The following PPARGC1A variants were observed in gnomAD, a reference collection of about 807,000 sequenced individuals.
The protein encoded by PPARGC1A is peroxisome proliferator-activated receptor gamma coactivator 1-alpha.
Under a neutral mutation model 88.7 loss-of-function variants are expected in PPARGC1A, and 25 were observed. The observed-to-expected ratio is 0.28, with a 90% confidence interval of 0.21 to 0.39. The LOEUF (loss-of-function observed/expected upper bound fraction) is 0.39. Among genes scored for constraint, PPARGC1A ranks in the 10% least tolerant of loss-of-function variants. The probability of loss-of-function intolerance (pLI) is 1.00; values close to 1 mark genes in which losing one functional copy is unlikely to be tolerated. For synonymous variants in PPARGC1A, 363 were observed against 355.6 expected (o/e 1.02, Z -0.24); for missense variants, 880 against 968.7 (o/e 0.91, Z 1.22).
the PPARGC1A span, among the ~76,000 whole-genome samples, chr4:24,232,939 T>A: frequency 1.3e-5 from 2 of 152,074 alleles, no homozygotes; most frequent in Non-Finnish European, 2.9e-5. Flanking sequence ...AGGAAAGGGG[T>A]CAAAGACAGG....
chr4:23,886,132 G>A (rs1716846324), intron 1 of PPARGC1A, among the ~76,000 whole-genome samples: 1 of 152,130 alleles, frequency 6.6e-6, no homozygotes, highest in Non-Finnish European at 1.5e-5. Flanking sequence ...TGTAAGTGGG[G>A]GTGTCTAAAT....
the PPARGC1A span, among the ~76,000 whole-genome samples, chr4:23,912,433 G>GAA: frequency 6.6e-6 from 1 of 152,160 alleles, no homozygotes; most frequent in Non-Finnish European, 1.5e-5. Flanking sequence ...TCTTAATCAT[G>GAA]TGTGTCAATT....
chr4:23,805,288 T>A (rs559104043), intron 10 of PPARGC1A, among the ~76,000 whole-genome samples: 2 of 151,846 alleles, frequency 1.3e-5, no homozygotes, highest in Admixed American at 6.6e-5. Flanking sequence ...AAGATTTCCA[T>A]AATTTGTTTT....
intron 11 of PPARGC1A, 92 bp from the exon 12 acceptor site, chr4:23,801,973 C>A: frequency 6.8e-7 from 1 of 1,476,460 alleles, no homozygotes; most frequent in Non-Finnish European, 9.3e-7. Flanking sequence ...TCTCCAGTGC[C>A]AACGTCTGAG....
At chr4:23,942,158 C>T in the PPARGC1A span, among the ~76,000 whole-genome samples, 8 of 152,066 alleles carry the variant, frequency 5.3e-5, no homozygotes, top group African/African-American at 1.7e-4. Flanking sequence ...CACATTTCAC[C>T]TCTTGGCAGC....
At chr4:24,117,076 T>C in the PPARGC1A span, among the ~76,000 whole-genome samples, 1 of 151,698 alleles carries the variant, frequency 6.6e-6, no homozygotes. Context: ...AAAATACATA[T>C]ATTTTAGGTT....
chr4:23,940,330 G>T, the PPARGC1A span, among the ~76,000 whole-genome samples: 1 of 152,104 alleles, frequency 6.6e-6, no homozygotes, highest in Non-Finnish European at 1.5e-5. Context: ...TACATGGAAC[G>T]CAGAAGAGAA....
chr4:23,937,991 C>G, the PPARGC1A span, among the ~76,000 whole-genome samples: 12 of 152,112 alleles, frequency 7.9e-5, no homozygotes, highest in Admixed American at 7.9e-4. Context: ...TGCGTAAACA[C>G]AGTTGGGCTT....
At chr4:23,870,247 T>C (rs1713005585) in intron 2 of PPARGC1A, among the ~76,000 whole-genome samples, 1 of 152,230 alleles carries the variant, frequency 6.6e-6, no homozygotes, top group South Asian at 2.1e-4. Context: ...CACCAAACTT[T>C]TTATTAAAAC....
the PPARGC1A span, among the ~76,000 whole-genome samples, chr4:24,178,618 C>T: frequency 6.6e-6 from 1 of 152,148 alleles, no homozygotes; most frequent in Non-Finnish European, 1.5e-5. Context: ...CCGTTTCTAC[C>T]TGCTAATGCA....
chr4:24,049,721 T>C, the PPARGC1A span, among the ~76,000 whole-genome samples: 2 of 152,092 alleles, frequency 1.3e-5, no homozygotes. Flanking sequence ...TGTAGATTAT[T>C]CCCTTTTTCA....
the PPARGC1A span, among the ~76,000 whole-genome samples, chr4:24,344,364 C>A: frequency 6.6e-6 from 1 of 152,026 alleles, no homozygotes; most frequent in Non-Finnish European, 1.5e-5. Context: ...ACATTCCCAC[C>A]GGAAGTGTAG....
chr4:24,457,938 T>G, the PPARGC1A span, among the ~76,000 whole-genome samples: 2 of 152,146 alleles, frequency 1.3e-5, no homozygotes, highest in African/African-American at 2.4e-5. Flanking sequence ...AGAAAGATTT[T>G]TCTCTGTAGA....
At chr4:23,863,563 T>A (rs1731625452) in intron 2 of PPARGC1A, among the ~76,000 whole-genome samples, 1 of 152,202 alleles carries the variant, frequency 6.6e-6, no homozygotes, top group Admixed American at 6.5e-5. Context: ...TCACCACTAC[T>A]GTGTTGCTCA....
At chr4:23,821,238 G>T (rs895676312) in intron 7 of PPARGC1A, among the ~76,000 whole-genome samples, 5 of 152,090 alleles carry the variant, frequency 3.3e-5, no homozygotes, top group African/African-American at 9.7e-5. Flanking sequence ...TGAACCCAGG[G>T]TCCATTAGAT....
chr4:24,161,201 G>A, the PPARGC1A span, among the ~76,000 whole-genome samples: 1 of 152,206 alleles, frequency 6.6e-6, no homozygotes, highest in Non-Finnish European at 1.5e-5. Flanking sequence ...CCTTGAGCAA[G>A]TAAATCTAAA....
chr4:24,226,945 TA>T, the PPARGC1A span, among the ~76,000 whole-genome samples: 13 of 152,298 alleles, frequency 8.5e-5, no homozygotes, highest in East Asian at 2.5e-3. Flanking sequence ...GAACTTCTTA[TA>T]GGATCTTTAG....
At chr4:24,086,151 A>G in the PPARGC1A span, among the ~76,000 whole-genome samples, 2 of 152,180 alleles carry the variant, frequency 1.3e-5, no homozygotes, top group Non-Finnish European at 1.5e-5. Context: ...ACTATTCTCC[A>G]TGATTTGGTT....
In PPARGC1A at chr4:23,831,683, C is replaced by T; in HGVS notation, c.303G>A (p.Val101=). The change falls in exon 3 of 13, where the codon GTG becomes GTA. Residue 101 remains valine, a synonymous_variant. Transcript: ENST00000264867. ...VLTETLDSLP[V]DEDGLPSFDA... is the part of the protein sequence containing the mutation. ...CAAATGAGGGCAATCCGTCTTCATC[C>T]ACAGGGAGACTGTCTAGTGTCTCTG... 1 of 1,613,886 alleles carries T rather than the reference C, an allele frequency of 6.2e-7. No homozygotes were observed. The highest frequency in any genetic ancestry group is 1.3e-5 in the African/African-American group (1 of 75,024).
Sources: allele counts gnomAD v4.1 joint callset (sites outside exome capture counted in the v4.1 genomes callset), GRCh38; gene constraint gnomAD v4.1.1; transcripts MANE v1.5; gene names NCBI Gene and HGNC (gene_info 2026-07-23, HGNC 2026-07-21).